The following ZFAT variants were observed in gnomAD, a reference collection of about 807,000 sequenced individuals.
ZFAT encodes zinc finger protein ZFAT.
Under a neutral mutation model 117.7 loss-of-function variants are expected in ZFAT, and 64 were observed. That is an observed-to-expected ratio of 0.54 (90% CI 0.44 to 0.67). The LOEUF (loss-of-function observed/expected upper bound fraction) is 0.67. Among genes scored for constraint, ZFAT ranks in the 30% least tolerant of loss-of-function variants. ZFAT has a pLI of 0.00. For missense variants in ZFAT, 1,433 were observed against 1,584.5 expected, an observed-to-expected ratio of 0.90 and a Z score of 1.62; for synonymous variants, 679 against 615.0, an observed-to-expected ratio of 1.10 and a Z score of -1.54.
chr8:134,516,090 C>A (rs1204528618), intron 13 of ZFAT, among the ~76,000 whole-genome samples: 1 of 152,206 alleles, frequency 6.6e-6, no homozygotes, highest in Non-Finnish European at 1.5e-5. Context: ...TGCTCTCCCT[C>A]CATTTCTGGC....
intron 1 of ZFAT, among the ~76,000 whole-genome samples, chr8:134,711,939 A>G (rs1814015481): frequency 6.6e-6 from 1 of 152,218 alleles, no homozygotes; most frequent in Admixed American, 6.5e-5. Context: ...TAGGCTCGGA[A>G]GATAAAGCTG....
chr8:134,484,960 T>C (rs912133324), intron 15 of ZFAT, among the ~76,000 whole-genome samples: 1 of 151,980 alleles, frequency 6.6e-6, no homozygotes, highest in Admixed American at 6.5e-5. Context: ...AAGAAAGCAG[T>C]AAACACACAA....
chr8:134,790,182 G>C, the ZFAT span, among the ~76,000 whole-genome samples: 552 of 152,266 alleles, frequency 3.6e-3, 5 homozygotes, highest in African/African-American at 0.013. Flanking sequence ...TACCACCATT[G>C]CAAGAAGAGG....
At chr8:134,748,708 A>G in the ZFAT span, among the ~76,000 whole-genome samples, 2 of 152,228 alleles carry the variant, frequency 1.3e-5, no homozygotes, top group African/African-American at 4.8e-5. Context: ...CTAAATCTCC[A>G]CATCCTAGCC....
intron 7 of ZFAT, 72 bp from the exon 8 acceptor site, chr8:134,590,427 C>G: frequency 8.7e-7 from 1 of 1,148,688 alleles, no homozygotes; most frequent in Non-Finnish European, 1.3e-6. Context: ...TAACCATCAT[C>G]ATCACCATCA....
At chr8:134,735,302 G>A in the ZFAT span, among the ~76,000 whole-genome samples, 2 of 152,082 alleles carry the variant, frequency 1.3e-5, no homozygotes, top group Non-Finnish European at 2.9e-5. Flanking sequence ...CTTGACACTG[G>A]TGCCATGGCC....
At chr8:134,697,392 G>A (rs897589725) in intron 1 of ZFAT, among the ~76,000 whole-genome samples, 1 of 151,064 alleles carries the variant, frequency 6.6e-6, no homozygotes, top group African/African-American at 2.4e-5. Flanking sequence ...GATTACAGGT[G>A]TGAGCCACCG....
At chr8:134,625,905 A>G (rs1338947713) in intron 3 of ZFAT, among the ~76,000 whole-genome samples, 1 of 152,236 alleles carries the variant, frequency 6.6e-6, no homozygotes. Flanking sequence ...ACACTGGATC[A>G]ATCGTGGACC....
At chr8:134,773,547 A>T in the ZFAT span, among the ~76,000 whole-genome samples, 1 of 152,262 alleles carries the variant, frequency 6.6e-6, no homozygotes, top group African/African-American at 2.4e-5. Context: ...GCTGCCATAA[A>T]TAGTGATCCT....
chr8:134,736,574 A>T, the ZFAT span, among the ~76,000 whole-genome samples: 2 of 152,084 alleles, frequency 1.3e-5, no homozygotes, highest in Non-Finnish European at 2.9e-5. Flanking sequence ...GCCTTTTAAC[A>T]TGTGCCATTC....
At chr8:134,639,033 C>T (rs1360840649) in intron 2 of ZFAT, among the ~76,000 whole-genome samples, 1 of 152,200 alleles carries the variant, frequency 6.6e-6, no homozygotes, top group Non-Finnish European at 1.5e-5. Context: ...TTCCTGCTCT[C>T]TCTAAAGCTG....
chr8:134,586,551 G>GC (rs1298152953), intron 9 of ZFAT, among the ~76,000 whole-genome samples: 1 of 152,214 alleles, frequency 6.6e-6, no homozygotes, highest in Non-Finnish European at 1.5e-5. Flanking sequence ...ATGGTCTCCA[G>GC]CCTCTGCTGG....
chr8:134,559,387 C>T (rs1823894176), intron 11 of ZFAT, among the ~76,000 whole-genome samples: 1 of 152,292 alleles, frequency 6.6e-6, no homozygotes, highest in Non-Finnish European at 1.5e-5. Flanking sequence ...TAGAGAGATC[C>T]CATATTCTTT....
chr8:134,608,752 A>G lies in ZFAT; in HGVS notation c.762T>C (p.Tyr254=). The change falls in exon 5 of 16, where the codon TAT becomes TAC. Residue 254 remains tyrosine, a synonymous_variant. Transcript: ENST00000377838. ...YQEYAIQQTP[Y]EQPMKSSRLG... is the part of the protein sequence containing the mutation. The stretch of plus-strand genomic sequence containing the variant: ...ACCTGCTTGACTTCATTGGTTGCTC[A>G]TAAGGTGTCTGCTGAATGGCGTATT... 1 of 1,610,972 alleles carries G rather than the reference A, an allele frequency of 6.2e-7. No homozygotes were observed. Among genetic ancestry groups the G allele is most frequent in the Non-Finnish European group, 8.5e-7 (1 of 1,178,874 alleles).
At chr8:134,807,120 G>A in the ZFAT span, among the ~76,000 whole-genome samples, 1 of 152,218 alleles carries the variant, frequency 6.6e-6, no homozygotes, top group African/African-American at 2.4e-5. Context: ...CTACTGACTG[G>A]AACAGTGCTA....
rs1475925721 is a variant in ZFAT at position 134,505,624 on chromosome 8, C to T, written c.3492+3995G>A. Among the ~76,000 whole-genome samples the T allele has an allele frequency of 2.0e-5, 3 of 152,048 alleles. No individual in the cohort carries two copies. The East Asian group carries it at 5.8e-4, about 29-fold the overall frequency. ...GCAATTTGCCCCTGGAAACAGAGGTCAGAGTGAGTGGATGTCAGACCTTAG... is the reference window on the plus strand; with the variant it reads ...GCAATTTGCCCCTGGAAACAGAGGTTAGAGTGAGTGGATGTCAGACCTTAG... On this transcript the variant is annotated intron_variant, in intron 15 of 15. Coordinates refer to ENST00000377838, the MANE Select transcript of ZFAT (RefSeq NM_020863.4).
the ZFAT span, among the ~76,000 whole-genome samples, chr8:134,752,486 G>A: frequency 6.6e-6 from 1 of 152,158 alleles, no homozygotes. Flanking sequence ...AAGCAAATAA[G>A]AAATGTGGAA....
At chr8:134,600,924 G>C (rs896191338) in intron 6 of ZFAT, among the ~76,000 whole-genome samples, 3 of 152,126 alleles carry the variant, frequency 2.0e-5, no homozygotes, top group African/African-American at 4.8e-5. Context: ...CTGAGAACCA[G>C]TTATGGCTCC....
At chr8:134,708,823 A>G (rs1813880788) in intron 1 of ZFAT, among the ~76,000 whole-genome samples, 1 of 152,132 alleles carries the variant, frequency 6.6e-6, no homozygotes, top group South Asian at 2.1e-4. Flanking sequence ...GTGGTGGCGC[A>G]TGCTTATAAT....
Sources: gnomAD v4.1 joint callset for allele counts (sites outside exome capture counted in the v4.1 genomes callset) on GRCh38, gnomAD v4.1.1 for gene constraint, MANE v1.5 for transcripts, NCBI Gene and HGNC (gene_info 2026-07-23, HGNC 2026-07-21) for gene names.